PECAM1: variants seen among roughly 807,000 people sequenced by gnomAD.
PECAM1 encodes platelet endothelial cell adhesion molecule.
Under a neutral mutation model 13.8 loss-of-function variants are expected in PECAM1, and 8 were observed. That is an observed-to-expected ratio of 0.58 (90% CI 0.34 to 1.05). The LOEUF (loss-of-function observed/expected upper bound fraction) is 1.05. PECAM1 is among the 50% of genes least tolerant of loss of function. The pLI is 0.03. For synonymous variants in PECAM1, 136 were observed against 52.6 expected (o/e 2.58, Z -6.86); for missense variants, 304 against 141.2 (o/e 2.15, Z -5.84).
intron 14 of PECAM1, among the ~76,000 whole-genome samples, chr17:64,331,651 C>T (rs2035124451): frequency 6.6e-6 from 1 of 152,260 alleles, no homozygotes; most frequent in African/African-American, 2.4e-5. Flanking sequence ...TGCCTGCATT[C>T]ATTAGAGATG....
chr17:64,362,837 C>CAA lies in PECAM1; in HGVS notation c.1216+310_1216+311dup, dbSNP rs1196660765. Among the ~76,000 whole-genome samples, 574 of 143,562 alleles carry CAA rather than the reference C, an allele frequency of 4.0e-3. 5 individuals carry two copies. Among genetic ancestry groups the CAA allele is most frequent in the African/African-American group, 0.014 (527 of 36,964 alleles). The allele number at this position is 143,562 out of a possible 152,430, so 94.2% of individuals were successfully genotyped here. Reference sequence around the variant, plus strand: ...GCACTCTAGCCTGGGCGACACGTCTCAAAAAAAAAAAAAAGAAAAGTTTAA... The same window carrying CAA: ...GCACTCTAGCCTGGGCGACACGTCTCAAAAAAAAAAAAAAAAGAAAAGTTTAA... On this transcript the variant is annotated intron_variant, in intron 6 of 15. Transcript: ENST00000563924.
chr17:64,375,555 G>C (rs1191016335), intron 3 of PECAM1, among the ~76,000 whole-genome samples, 199 bp from the exon 4 acceptor site: 1 of 152,102 alleles, frequency 6.6e-6, no homozygotes, highest in Non-Finnish European at 1.5e-5. Context: ...CACAGTACTA[G>C]GCACTTTGAA....
rs2034845151 is a variant in PECAM1, at chr17:64,323,014, G to A, written c.*802C>T. 2 of 982,250 alleles carry A rather than the reference G, an allele frequency of 2.0e-6. No homozygotes were observed. The highest frequency in any genetic ancestry group is 2.4e-6 in the Non-Finnish European group (2 of 827,118). 60.8% of individuals were successfully genotyped at this position (982,250 alleles called of 1,614,324 possible). ...GAGCCACCTTGCCTGCCCTGGCAAG[G>A]AATACATTTTTAAAAATTAGTAAGA... On this transcript the variant is annotated 3_prime_UTR_variant, in exon 16 of 16. Coordinates refer to ENST00000563924, the MANE Select transcript of PECAM1 (RefSeq NM_000442.5).
chr17:64,363,462 GA>G (rs2036032401), intron 5 of PECAM1, 65 bp from the exon 6 acceptor site: 1 of 472,812 alleles, frequency 2.1e-6, no homozygotes, highest in Non-Finnish European at 3.9e-6. Context: ...ACCCTTCCTG[GA>G]GAGGCCCTTG....
rs971418369 is a variant in PECAM1 at position 64,334,656 on chromosome 17, C to A, written c.2165-4934G>T. Among the ~76,000 whole-genome samples the A allele has an allele frequency of 1.8e-4, 28 of 152,188 alleles. No homozygotes were observed. The South Asian group carries it at 5.2e-3, about 28-fold the overall frequency. On this transcript the variant is annotated intron_variant, in intron 14 of 15. Coordinates refer to ENST00000563924, the MANE Select transcript of PECAM1 (RefSeq NM_000442.5). Reference sequence around the variant, plus strand: ...CCCATGTAGCTGGACTACAGGCGCCCGCCACCACGTCCAGCTAATTTTTTG... The same window carrying A: ...CCCATGTAGCTGGACTACAGGCGCCAGCCACCACGTCCAGCTAATTTTTTG...
intron 14 of PECAM1, among the ~76,000 whole-genome samples, chr17:64,338,505 G>T (rs1172080366): frequency 6.6e-6 from 1 of 151,772 alleles, no homozygotes; most frequent in Non-Finnish European, 1.5e-5. Flanking sequence ...CCTTTGTCTT[G>T]TCATTTGTCT....
chr17:64,377,719 TGGGTGGAGAGTTAA>T, intron 3 of PECAM1, 91 bp downstream of exon 3: 2 of 465,378 alleles, frequency 4.3e-6, no homozygotes, highest in Non-Finnish European at 7.7e-6. Flanking sequence ...GAGAGGGTGA[TGGGTGGAGAGTTAA>T]GTCCAGTGTC....
At chr17:64,382,962 C>A (rs913541866) in intron 2 of PECAM1, among the ~76,000 whole-genome samples, 81 of 152,182 alleles carry the variant, frequency 5.3e-4, no homozygotes, top group African/African-American at 2.0e-3. Context: ...ATCACTTGAA[C>A]CTGGGAGGTG....
chr17:64,324,125 C>T (rs1443434237), intron 15 of PECAM1, among the ~76,000 whole-genome samples: 4 of 152,170 alleles, frequency 2.6e-5, no homozygotes, highest in Non-Finnish European at 2.9e-5. Flanking sequence ...AGGGTTCCTG[C>T]AGCTGTGTCA....
At chr17:64,343,079 G>A in intron 13 of PECAM1, among the ~76,000 whole-genome samples, 1 of 152,304 alleles carries the variant, frequency 6.6e-6, no homozygotes. Context: ...AGAGCCTGAT[G>A]TCGTGTGGGC....
chr17:64,350,991 C>T (rs2035709249), intron 11 of PECAM1, among the ~76,000 whole-genome samples: 1 of 152,156 alleles, frequency 6.6e-6, no homozygotes, highest in Non-Finnish European at 1.5e-5. Context: ...ATTCTCCTGC[C>T]TCAGCCTGCT....
intron 13 of PECAM1, among the ~76,000 whole-genome samples, chr17:64,343,538 G>A (rs1478297519): frequency 7.9e-5 from 12 of 152,182 alleles, no homozygotes; most frequent in Admixed American, 7.9e-4. Flanking sequence ...CCCATTCCTA[G>A]GCTTGCTCAG....
At chr17:64,342,009 G>A (rs1320798933) in intron 13 of PECAM1, among the ~76,000 whole-genome samples, 1 of 151,914 alleles carries the variant, frequency 6.6e-6, no homozygotes, top group Non-Finnish European at 1.5e-5. Flanking sequence ...AAATTAGCCG[G>A]GCATGGTGGT....
At chr17:64,329,059 T>C (rs1196686175) in intron 15 of PECAM1, among the ~76,000 whole-genome samples, 5 of 152,068 alleles carry the variant, frequency 3.3e-5, no homozygotes, top group Non-Finnish European at 7.3e-5. Context: ...CCACACTGCT[T>C]GAAACTGGTC....
At chr17:64,343,754 C>A (rs2143741916) in intron 13 of PECAM1, among the ~76,000 whole-genome samples, 2 of 152,312 alleles carry the variant, frequency 1.3e-5, no homozygotes, top group East Asian at 3.9e-4. Context: ...GCTACCAGGG[C>A]ACCACACTGC....
intron 3 of PECAM1, among the ~76,000 whole-genome samples, chr17:64,376,443 G>A (rs1293436081): frequency 6.6e-6 from 1 of 152,202 alleles, no homozygotes; most frequent in Non-Finnish European, 1.5e-5. Flanking sequence ...GATGCTTAGA[G>A]GGGAAAGGTA....
intron 12 of PECAM1, among the ~76,000 whole-genome samples, chr17:64,348,582 AT>A (rs2035639146): frequency 6.6e-6 from 1 of 151,524 alleles, no homozygotes; most frequent in South Asian, 2.1e-4. Flanking sequence ...TAATTTTTGT[AT>A]TTTTAGTAGA....
intron 4 of PECAM1, among the ~76,000 whole-genome samples, chr17:64,373,847 G>A (rs1008753123): frequency 1.4e-4 from 22 of 152,114 alleles, no homozygotes; most frequent in Non-Finnish European, 2.9e-4. Flanking sequence ...TATCTACATG[G>A]GTGTGCCTTC....
At position 64,320,604 on chromosome 17, in the gene PECAM1, A is replaced by G. The variant is rs1236666586; in HGVS notation, c.*3212T>C. On this transcript the variant is annotated 3_prime_UTR_variant, in exon 16 of 16. Transcript: ENST00000563924. ...CCCTTGTTTGAGCTTTTAATTTTCC[A>G]CCATGACGCTTGTCACACTGCTTTG... is the stretch of plus-strand genomic sequence containing the variant. 6.6e-6 allele frequency: 1 copy of G among 152,108 alleles called. No homozygotes were observed. Among genetic ancestry groups the G allele is most frequent in the African/African-American group, 2.4e-5 (1 of 41,362 alleles). The allele number at this position is 152,108 out of a possible 1,614,324, so 9.4% of individuals were successfully genotyped here.
Sources: gnomAD v4.1 joint callset for allele counts (sites outside exome capture counted in the v4.1 genomes callset) on GRCh38, gnomAD v4.1.1 for gene constraint, MANE v1.5 for transcripts, NCBI Gene and HGNC (gene_info 2026-07-23, HGNC 2026-07-21) for gene names.